The following MYO15A variants were observed in gnomAD, a reference collection of about 807,000 sequenced individuals.
MYO15A encodes unconventional myosin-XV.
MYO15A carries 308 observed loss-of-function variants against 394.6 expected under a neutral mutation model. The observed-to-expected ratio is 0.78, with a 90% CI of 0.71 to 0.86. The LOEUF (loss-of-function observed/expected upper bound fraction) is 0.86, where lower values mean the gene tolerates loss of function less well. Among genes scored for constraint, MYO15A ranks in the 40% least tolerant of loss-of-function variants. MYO15A has a pLI of 0.00. For synonymous variants in MYO15A, 1,957 were observed against 2,003.8 expected (o/e 0.98, Z 0.62); for missense variants, 4,606 against 4,799.1 (o/e 0.96, Z 1.19).
intron 44 of MYO15A, 127 bp from the exon 45 acceptor site, chr17:18,154,553 C>A: frequency 1.1e-6 from 1 of 938,726 alleles, no homozygotes; most frequent in Non-Finnish European, 1.7e-6. Context: ...GATGACCCAG[C>A]TTACAGATGA....
intron 50 of MYO15A, chr17:18,157,494 C>T (rs2046696589): frequency 1.0e-6 from 1 of 984,310 alleles, no homozygotes; most frequent in Non-Finnish European, 1.5e-6. Flanking sequence ...AGTCCACAAA[C>T]CCTGCTTTGC....
chr17:18,166,661 C>T lies in MYO15A; in HGVS notation c.9948+140C>T, dbSNP rs918011094. On this transcript the variant is annotated intron_variant, in intron 61 of 65. Coordinates refer to ENST00000647165, the MANE Select transcript of MYO15A (RefSeq NM_016239.4). ...TCTCTAGCCCTGATGTCTCTGCTCCCCTATGTGGTCTCTTTGGAGAAATCG... is the reference window on the plus strand; with the variant it reads ...TCTCTAGCCCTGATGTCTCTGCTCCTCTATGTGGTCTCTTTGGAGAAATCG... The T allele has an allele frequency of 7.3e-5, 87 of 1,186,456 alleles. No homozygotes were observed. The African/African-American group carries it at 1.3e-3, about 18-fold the overall frequency. The allele number at this position is 1,186,456 out of a possible 1,614,324, so 73.5% of individuals were successfully genotyped here. A position where few individuals can be genotyped will look rare whatever the true frequency, so the allele number is the denominator to read the frequency against.
At position 18,155,375 on chromosome 17, in the gene MYO15A, G is replaced by A. The variant is rs765169770; in HGVS notation, c.8402G>A (p.Arg2801Lys). Residue 2801 changes from arginine to lysine, a missense_variant, in exon 47 of 66, where the codon AGG (arginine) becomes AAG (lysine). Physicochemically the swap from Arg to Lys is conservative, Grantham distance 26 (BLOSUM62 2). This residue lies in a region of MYO15A where 2,776 missense variants were observed against 3,109.3 expected (regional missense o/e 0.89). Transcript: ENST00000647165. The stretch of plus-strand genomic sequence containing the variant: ...TCCCACGTGGGCATCAAACTCCTGA[G>A]GATGGTCAAGGGTGGCCAGGAGGCC... ...AVSHVGIKLLRMVKGGQEAGG... is the reference protein window; with the variant it reads ...AVSHVGIKLLKMVKGGQEAGG... 2 of 1,613,776 alleles carry A rather than the reference G, an allele frequency of 1.2e-6. No homozygotes were observed. The highest frequency in any genetic ancestry group is 3.3e-5 in the Admixed American group (2 of 60,026).
At chr17:18,138,450 TC>T (rs767591297) in intron 17 of MYO15A, among the ~76,000 whole-genome samples, 2 of 152,140 alleles carry the variant, frequency 1.3e-5, no homozygotes, top group South Asian at 2.1e-4. Flanking sequence ...GCTACACCAG[TC>T]TGGAAAGCCA....
Position 18,138,099 on chromosome 17 carries a change from T to C in MYO15A, c.4876-16T>C. On this transcript the variant is annotated splice_polypyrimidine_tract_variant and intron_variant, in intron 16 of 65. Transcript: ENST00000647165. Reference sequence around the variant, plus strand: ...CAGGGATGGGAGGTTGAGCTCCTGCTGCCCACTGCCTGCAGGAGGAGTACA... The same window carrying C: ...CAGGGATGGGAGGTTGAGCTCCTGCCGCCCACTGCCTGCAGGAGGAGTACA... The C allele has an allele frequency of 6.2e-7, 1 of 1,607,902 alleles. No individual in the cohort carries two copies. Among genetic ancestry groups the C allele is most frequent in the South Asian group, 1.1e-5 (1 of 91,074 alleles).
At position 18,167,604 on chromosome 17, in the gene MYO15A, C is replaced by G; in HGVS notation, c.9963C>G (p.Tyr3321Ter). 1 of 1,602,970 alleles carries G rather than the reference C, an allele frequency of 6.2e-7. No individual in the cohort carries two copies. The highest frequency in any genetic ancestry group is 8.5e-7 in the Non-Finnish European group (1 of 1,179,922). The change falls in exon 62 of 66, where the codon TAC (tyrosine) becomes TAG (stop). Residue 3321 changes from tyrosine (Y) to a stop codon, truncating the protein, a stop_gained. Coordinates refer to ENST00000647165, the MANE Select transcript of MYO15A (RefSeq NM_016239.4). LOFTEE classifies it high-confidence loss of function. ...GCTCCCTGCAGGTCCTGCCTGACTA[C>G]CTGAAGGGACTCTTCAGCAGTGTGC... Reference protein sequence around the residue: ...TMHYNQVLPDYLKGLFSSVPA... With the variant: ...TMHYNQVLPD
chr17:18,124,375 G>C (rs1369457577), intron 2 of MYO15A, 108 bp from the exon 3 acceptor site: 6 of 1,193,546 alleles, frequency 5.0e-6, no homozygotes, highest in Non-Finnish European at 6.0e-6. Context: ...TGGCCTTGGG[G>C]TTCCCTCCCC....
Position 18,172,170 on chromosome 17 carries a change from C to T in MYO15A, c.10230C>T (p.Ala3410=), listed in dbSNP as rs779326373. The T allele has an allele frequency of 6.2e-7, 1 of 1,614,222 alleles. No individual in the cohort carries two copies. Among genetic ancestry groups the T allele is most frequent in the East Asian group, 2.2e-5 (1 of 44,890 alleles). The part of the protein sequence containing the change: ...ARAQFLGLLS[A]LPMFGSSFFF... ...CTCCCTGCCCAGGCCTCCTCAGCGC[C>T]TTACCTATGTTCGGCTCCTCCTTCT... The change falls in exon 64 of 66, where the codon GCC becomes GCT. Residue 3410 remains alanine (A), a synonymous_variant. Coordinates refer to ENST00000647165, the MANE Select transcript of MYO15A (RefSeq NM_016239.4).
intron 23 of MYO15A, 147 bp downstream of exon 23, chr17:18,141,917 C>A: frequency 8.4e-7 from 1 of 1,197,152 alleles, no homozygotes. Context: ...ACCTGATTCA[C>A]CAGCATCCTC....
chr17:18,111,594 G>A (rs1337626738), intron 1 of MYO15A, among the ~76,000 whole-genome samples: 2 of 152,224 alleles, frequency 1.3e-5, no homozygotes, highest in African/African-American at 2.4e-5. Flanking sequence ...GGCAGGACCT[G>A]GAACCTACCA....
chr17:18,109,918 C>G (rs899001318), intron 1 of MYO15A: 11 of 152,480 alleles, frequency 7.2e-5, no homozygotes, highest in African/African-American at 2.6e-4. Flanking sequence ...TCGGAACCCT[C>G]CTTTGGCAAG....
Position 18,149,467 on chromosome 17 carries a change from T to G in MYO15A, c.7118-19T>G, listed in dbSNP as rs1333010220. 1.9e-6 allele frequency: 3 copies of G among 1,614,036 alleles called. No individual in the cohort carries two copies. Among genetic ancestry groups the G allele is most frequent in the Non-Finnish European group, 2.5e-6 (3 of 1,179,986 alleles). On this transcript the variant is annotated intron_variant, in intron 34 of 65. Transcript: ENST00000647165. ...CATCAAGAAAAAAGAACTTGACATT[T>G]TTGTGCCTTCCCCTCCAGAGTCAGA... is the stretch of plus-strand genomic sequence containing the variant.
At chr17:18,170,943 C>T (rs567766272) in intron 62 of MYO15A, among the ~76,000 whole-genome samples, 1 of 152,306 alleles carries the variant, frequency 6.6e-6, no homozygotes, top group African/African-American at 2.4e-5. Context: ...GATGCCAGGC[C>T]CTTACCCCAG....
chr17:18,158,028 G>A, intron 51 of MYO15A, 128 bp downstream of exon 51: 1 of 1,309,764 alleles, frequency 7.6e-7, no homozygotes. Context: ...GGCTGATCTT[G>A]GACTAGTGTG....
Position 18,152,196 on chromosome 17 carries a change from AGGAG to A in MYO15A, c.7966+23_7966+26del, listed in dbSNP as rs751836150. 21 of 1,312,324 alleles carry A rather than the reference AGGAG, an allele frequency of 1.6e-5. No individual in the cohort carries two copies. The highest frequency in any genetic ancestry group is 2.0e-5 in the Non-Finnish European group (19 of 960,662). 81.3% of individuals were successfully genotyped at this position (1,312,324 alleles called of 1,614,324 possible). ...GGCACCCACTTCAGGTGAGAGGGCC[AGGAG>A]GGAGGGAGGGGAGGGTGTCCAAGTA... On this transcript the variant is annotated intron_variant, in intron 42 of 65. Transcript: ENST00000647165.
At position 18,158,505 on chromosome 17, in the gene MYO15A, G is replaced by C; in HGVS notation, c.8968-18G>C. 6.2e-7 allele frequency: 1 copy of C among 1,611,928 alleles called. No homozygotes were observed. The highest frequency in any genetic ancestry group is 8.5e-7 in the Non-Finnish European group (1 of 1,178,126). On this transcript the variant is annotated intron_variant, in intron 51 of 65. Coordinates refer to ENST00000647165, the MANE Select transcript of MYO15A (RefSeq NM_016239.4). Reference sequence around the variant, plus strand: ...GGTGTGGCCGGACTGGGCCTTCCTAGCTCCGCCTCTTCTGCAGGGTCCCCC... The same window carrying C: ...GGTGTGGCCGGACTGGGCCTTCCTACCTCCGCCTCTTCTGCAGGGTCCCCC...
rs754908088 is a variant in MYO15A at position 18,121,253 on chromosome 17, G to A, written c.2453G>A (p.Arg818His). 30 of 1,467,524 alleles carry A rather than the reference G, an allele frequency of 2.0e-5. No individual in the cohort carries two copies. Among genetic ancestry groups the A allele is most frequent in the African/African-American group, 4.5e-5 (3 of 67,362 alleles). The allele number at this position is 1,467,524 out of a possible 1,614,324, so 90.9% of individuals were successfully genotyped here. A position where few individuals can be genotyped will look rare whatever the true frequency, so the allele number is the denominator to read the frequency against. The change falls in exon 2 of 66, where the codon CGC becomes CAC. Residue 818 changes from arginine (R) to histidine (H), a missense_variant. Arg to His is a conservative substitution (Grantham distance 29, BLOSUM62 0). This residue lies in a region of MYO15A where 1,830 missense variants were observed against 1,689.7 expected (regional missense o/e 1.08). Coordinates refer to ENST00000647165, the MANE Select transcript of MYO15A (RefSeq NM_016239.4). The surrounding 1 kb of genome is among the most constrained non-coding windows in gnomAD (Gnocchi z 5.3). ...TTCCTGCCCCCGGCCCGCCGGCCCC[G>A]CTCGCTGCAGGAGTCCCCAGCCCCA... ...PPFLPPARRP[R>H]SLQESPAPRR...
Position 18,130,769 on chromosome 17 carries a change from C to CT in MYO15A, c.4033-35dup, listed in dbSNP as rs1426869948. On this transcript the variant is annotated intron_variant, in intron 7 of 65. Coordinates refer to ENST00000647165, the MANE Select transcript of MYO15A (RefSeq NM_016239.4). ...GCTAGTGACTCCATTCTGTTCTTGT[C>CT]TGTCTCTTTGTCCTCCCTCCTGGAC... is the stretch of plus-strand genomic sequence containing the variant. 4 of 1,612,062 alleles carry CT rather than the reference C, an allele frequency of 2.5e-6. No homozygotes were observed. The Admixed American group carries it at 6.7e-5, about 27-fold the overall frequency.
rs753049777 is a variant in MYO15A at position 18,173,790 on chromosome 17, G to T, written c.10360G>T (p.Val3454Leu). Residue 3454 changes from valine to leucine, a missense_variant, in exon 65 of 66, where the codon GTG (valine) becomes TTG (leucine). Around this residue, in one of 2 missense-constraint regions of MYO15A, gnomAD observed 2,776 missense variants for 3,109.3 expected, o/e 0.89. Transcript: ENST00000647165. ...FLSTETHELM[V>L]KFPLKEIQST... Reference sequence around the variant, plus strand: ...CTCCTCCTACTCCCAGGAATTGATGGTGAAGTTCCCCCTGAAGGAGATCCA... The same window carrying T: ...CTCCTCCTACTCCCAGGAATTGATGTTGAAGTTCCCCCTGAAGGAGATCCA... The T allele has an allele frequency of 1.3e-5, 21 of 1,613,860 alleles. No individual in the cohort carries two copies. The African/African-American group carries it at 2.5e-4, about 19-fold the overall frequency.
Sources: allele counts gnomAD v4.1 joint callset (sites outside exome capture counted in the v4.1 genomes callset), GRCh38; gene constraint gnomAD v4.1.1; regional missense constraint gnomAD v4.1.1; non-coding constraint Gnocchi (gnomAD v3.1); transcripts MANE v1.5; gene names NCBI Gene and HGNC (gene_info 2026-07-23, HGNC 2026-07-21).